The following NR2F1-AS1 variants were observed in gnomAD, a reference collection of about 807,000 sequenced individuals.
NR2F1-AS1 encodes the protein NR2F1 antisense RNA 1.
chr5:93,432,284 C>T (rs192373884), intron 4 of NR2F1-AS1: 16 of 152,180 alleles, frequency 1.1e-4, no homozygotes, highest in African/African-American at 3.4e-4. Flanking sequence ...ATGAAAACAC[C>T]AGTCAAAAAT....
At chr5:93,474,361 C>T (rs1224810914) in intron 4 of NR2F1-AS1, among the ~76,000 whole-genome samples, 2 of 152,174 alleles carry the variant, frequency 1.3e-5, no homozygotes. Context: ...AAGTATACTG[C>T]CTATAACAGT....
upstream of NR2F1-AS1, among the ~76,000 whole-genome samples, chr5:93,582,080 C>G (rs1753109046): frequency 6.9e-6 from 1 of 144,648 alleles, no homozygotes; most frequent in African/African-American, 2.6e-5. Context: ...CTCTCTGTCT[C>G]TCTCTCTCCT....
intron 4 of NR2F1-AS1, among the ~76,000 whole-genome samples, chr5:93,487,032 G>A (rs956788669): frequency 1.3e-5 from 2 of 152,130 alleles, no homozygotes; most frequent in African/African-American, 4.8e-5. Flanking sequence ...AAAGGCCTTT[G>A]ATAAAATTCA....
intron 4 of NR2F1-AS1, among the ~76,000 whole-genome samples, chr5:93,504,635 A>G (rs992786148): frequency 7.4e-4 from 113 of 152,244 alleles, no homozygotes; most frequent in African/African-American, 2.6e-3. Context: ...GGTGGGAGGC[A>G]AAAGGCACTT....
At chr5:93,431,181 A>C (rs1041980626) in intron 4 of NR2F1-AS1, among the ~76,000 whole-genome samples, 2 of 152,180 alleles carry the variant, frequency 1.3e-5, no homozygotes, top group African/African-American at 4.8e-5. Flanking sequence ...CAGTGAAAGA[A>C]AACTTTCTAA....
chr5:93,457,124 C>G (rs1749967140), intron 4 of NR2F1-AS1, among the ~76,000 whole-genome samples: 1 of 152,148 alleles, frequency 6.6e-6, no homozygotes, highest in East Asian at 1.9e-4. Context: ...AAGAGGCCTT[C>G]CTCTTTTACT....
intron 1 of NR2F1-AS1, among the ~76,000 whole-genome samples, chr5:93,569,159 A>G (rs1752684598): frequency 6.6e-6 from 1 of 152,216 alleles, no homozygotes; most frequent in African/African-American, 2.4e-5. Context: ...GGTTTCAACG[A>G]GCCTGTCAGC....
intron 1 of NR2F1-AS1, among the ~76,000 whole-genome samples, chr5:93,576,306 C>T (rs1200660089): frequency 6.6e-6 from 1 of 152,144 alleles, no homozygotes; most frequent in Non-Finnish European, 1.5e-5. Flanking sequence ...TATTAACTCC[C>T]CCCAAAGATG....
At chr5:93,486,273 T>A (rs1219832055) in intron 4 of NR2F1-AS1, among the ~76,000 whole-genome samples, 1 of 147,450 alleles carries the variant, frequency 6.8e-6, no homozygotes, top group Admixed American at 6.6e-5. Context: ...TAATAATAAA[T>A]TAATTAATTT....
intron 4 of NR2F1-AS1, among the ~76,000 whole-genome samples, chr5:93,486,888 G>T (rs1750734432): frequency 6.6e-6 from 1 of 152,126 alleles, no homozygotes; most frequent in South Asian, 2.1e-4. Context: ...ACATCAAAAA[G>T]CTTATCCACC....
At chr5:93,522,273 G>A (rs1415811659) in intron 4 of NR2F1-AS1, among the ~76,000 whole-genome samples, 1 of 152,138 alleles carries the variant, frequency 6.6e-6, no homozygotes, top group Non-Finnish European at 1.5e-5. Flanking sequence ...TAATATCTGG[G>A]TGATGAAATA....
chr5:93,539,407 T>C (rs1046558882), intron 4 of NR2F1-AS1, among the ~76,000 whole-genome samples: 2 of 152,124 alleles, frequency 1.3e-5, no homozygotes, highest in African/African-American at 4.8e-5. Flanking sequence ...ATATACATAA[T>C]GGAATACTAA....
chr5:93,491,428 A>C (rs1391917870), intron 4 of NR2F1-AS1, among the ~76,000 whole-genome samples: 1 of 152,000 alleles, frequency 6.6e-6, no homozygotes. Context: ...AAGTGATAAC[A>C]GAATGAAGTT....
At chr5:93,426,869 C>T (rs1420400484) in intron 4 of NR2F1-AS1, among the ~76,000 whole-genome samples, 1 of 152,136 alleles carries the variant, frequency 6.6e-6, no homozygotes, top group Non-Finnish European at 1.5e-5. Flanking sequence ...TTTAGAGATC[C>T]AACCAAGTAA....
chr5:93,426,113 T>A (rs538776138), intron 4 of NR2F1-AS1, among the ~76,000 whole-genome samples: 11 of 152,032 alleles, frequency 7.2e-5, no homozygotes, highest in African/African-American at 2.4e-4. Flanking sequence ...AGTGGTGCCA[T>A]CTTGGCTCAC....
intron 1 of NR2F1-AS1, among the ~76,000 whole-genome samples, chr5:93,565,355 G>A (rs1752594208): frequency 6.6e-6 from 1 of 152,044 alleles, no homozygotes; most frequent in Non-Finnish European, 1.5e-5. Context: ...TAGGTGATAA[G>A]ATTAAAAGAC....
chr5:93,523,220 A>G (rs1324494327), intron 4 of NR2F1-AS1, among the ~76,000 whole-genome samples: 1 of 152,144 alleles, frequency 6.6e-6, no homozygotes, highest in East Asian at 1.9e-4. Context: ...CACAGTGTAA[A>G]CAAAGCCTCT....
At chr5:93,468,657 C>T (rs1221072018) in intron 4 of NR2F1-AS1, among the ~76,000 whole-genome samples, 1 of 152,118 alleles carries the variant, frequency 6.6e-6, no homozygotes, top group Non-Finnish European at 1.5e-5. Context: ...TTAATTAGAT[C>T]CCGTTTGTCT....
chr5:93,418,063 G>A (rs1313663368), intron 4 of NR2F1-AS1, among the ~76,000 whole-genome samples: 1 of 152,146 alleles, frequency 6.6e-6, no homozygotes, highest in Non-Finnish European at 1.5e-5. Context: ...ACAGCCTTGG[G>A]ACACAAGCAA....
Sources: allele counts gnomAD v4.1 joint callset (sites outside exome capture counted in the v4.1 genomes callset), GRCh38; gene constraint gnomAD v4.1.1; transcripts MANE v1.5; gene names NCBI Gene and HGNC (gene_info 2026-07-23, HGNC 2026-07-21).